The following SLC35A3 variants were observed in gnomAD, a reference collection of about 807,000 sequenced individuals.
The protein encoded by SLC35A3 is UDP-N-acetylglucosamine transporter.
In SLC35A3, 26 loss-of-function variants were observed where a neutral mutation model predicts 39.0. The ratio of observed to expected loss-of-function variants is 0.67; its 90% CI spans 0.49 to 0.92. The LOEUF (loss-of-function observed/expected upper bound fraction) is 0.92. Among genes scored for constraint, SLC35A3 ranks in the 40% least tolerant of loss-of-function variants. The pLI, the probability that SLC35A3 is intolerant of heterozygous loss-of-function variation, is 0.00. For synonymous variants in SLC35A3, 135 were observed against 133.1 expected (o/e 1.01, Z -0.10); for missense variants, 299 against 371.6 (o/e 0.80, Z 1.61).
chr1:99,994,488 C>G (rs1027598462), intron 2 of SLC35A3, among the ~76,000 whole-genome samples: 2 of 152,158 alleles, frequency 1.3e-5, no homozygotes, highest in African/African-American at 4.8e-5. Flanking sequence ...ACCTCTAATT[C>G]ACTTTCTGGC....
chr1:100,002,855 T>C (rs761565031), intron 3 of SLC35A3, among the ~76,000 whole-genome samples: 1 of 151,834 alleles, frequency 6.6e-6, no homozygotes, highest in Non-Finnish European at 1.5e-5. Flanking sequence ...CCTCAAGTGA[T>C]CCTCCCACCT....
intron 3 of SLC35A3, among the ~76,000 whole-genome samples, chr1:100,006,045 G>A (rs899747109): frequency 6.6e-6 from 1 of 152,200 alleles, no homozygotes; most frequent in African/African-American, 2.4e-5. Flanking sequence ...TGGGTAGGGT[G>A]CTTTGGCTTT....
intron 1 of SLC35A3, among the ~76,000 whole-genome samples, chr1:99,979,432 T>C (rs1264249704): frequency 2.6e-5 from 3 of 115,332 alleles, no homozygotes; most frequent in African/African-American, 1.1e-4. Flanking sequence ...TTTTCTTTCT[T>C]TTTTTTTTTT....
chr1:99,997,428 ATATAT>A (rs1225293779), intron 2 of SLC35A3, among the ~76,000 whole-genome samples: 1 of 38,886 alleles, frequency 2.6e-5, no homozygotes, highest in East Asian at 8.6e-4. Context: ...ATATATATAT[ATATAT>A]ATATATATAT....
Position 100,029,130 on chromosome 1 carries a change from T to C in SLC35A3, c.*6654T>C, listed in dbSNP as rs116560578. On this transcript the variant is annotated 3_prime_UTR_variant, in exon 8 of 8. Coordinates refer to ENST00000533028, the MANE Select transcript of SLC35A3 (RefSeq NM_012243.3). ...CATGGTTGGTTGATTTTTTTGCCCA[T>C]GTAGTTGTCCTCTCTTTCCAACATC... The C allele has an allele frequency of 0.013, 2,039 of 152,352 alleles. 18 individuals are homozygous for C. The highest frequency in any genetic ancestry group is 0.057 in the Middle Eastern group (17 of 296). 9.4% of individuals were successfully genotyped at this position (152,352 alleles called of 1,614,324 possible). A position where few individuals can be genotyped will look rare whatever the true frequency, so the allele number is the denominator to read the frequency against.
chr1:99,987,051 T>C (rs566977994), intron 1 of SLC35A3, among the ~76,000 whole-genome samples: 16 of 152,344 alleles, frequency 1.1e-4, no homozygotes, highest in Middle Eastern at 3.4e-3. Flanking sequence ...TGCTGGAAAC[T>C]TACTCTCCTT....
At chr1:100,020,659 G>A (rs1660469541) in intron 7 of SLC35A3, among the ~76,000 whole-genome samples, 3 of 152,172 alleles carry the variant, frequency 2.0e-5, no homozygotes, top group Non-Finnish European at 4.4e-5. Flanking sequence ...AGTGAATGAA[G>A]AGCATATGGT....
chr1:99,983,122 AATTTAT>A, intron 1 of SLC35A3, among the ~76,000 whole-genome samples: 1 of 152,134 alleles, frequency 6.6e-6, no homozygotes, highest in Non-Finnish European at 1.5e-5. Flanking sequence ...ACAATTTACA[AATTTAT>A]GTGGAACTTT....
chr1:100,011,263 A>G (rs1363816622), intron 4 of SLC35A3, 102 bp from the exon 5 acceptor site: 2 of 481,052 alleles, frequency 4.2e-6, no homozygotes, highest in African/African-American at 2.0e-5. Context: ...CAAAAATGAT[A>G]TTGGTTGCAT....
At chr1:99,987,799 G>A (rs1657833456) in intron 1 of SLC35A3, among the ~76,000 whole-genome samples, 1 of 152,042 alleles carries the variant, frequency 6.6e-6, no homozygotes, top group Non-Finnish European at 1.5e-5. Context: ...CTATAAACAG[G>A]GTTCACATTT....
At chr1:100,000,027 G>A (rs949991595) in intron 3 of SLC35A3, among the ~76,000 whole-genome samples, 1 of 152,142 alleles carries the variant, frequency 6.6e-6, no homozygotes, top group African/African-American at 2.4e-5. Flanking sequence ...TGTGAACAAT[G>A]CTGCAATAAA....
intron 2 of SLC35A3, 105 bp downstream of exon 2, chr1:99,993,846 A>G (rs1658232765): frequency 1.1e-5 from 10 of 938,330 alleles, no homozygotes; most frequent in African/African-American, 1.7e-5. Context: ...ATGGCCTAGT[A>G]TGAAGAATAT....
chr1:100,027,443 C>G lies in SLC35A3; in HGVS notation c.*4967C>G. ...CTCTAGCCTGAGTGACAGTGAGACT[C>G]TGTCTCAAAAAACAAACAAAACAAA... is the stretch of plus-strand genomic sequence containing the variant. On this transcript the variant is annotated 3_prime_UTR_variant, in exon 8 of 8. Transcript: ENST00000533028. The G allele has an allele frequency of 2.7e-6, 1 of 365,394 alleles. No homozygotes were observed. Among genetic ancestry groups the G allele is most frequent in the Non-Finnish European group, 4.9e-6 (1 of 205,600 alleles). 22.6% of individuals were successfully genotyped at this position (365,394 alleles called of 1,614,324 possible).
intron 6 of SLC35A3, 117 bp downstream of exon 6, chr1:100,015,537 C>T: frequency 3.6e-6 from 4 of 1,103,560 alleles, no homozygotes; most frequent in Non-Finnish European, 4.8e-6. Flanking sequence ...TTAGTGCTCT[C>T]GTATCTAGTT....
intron 6 of SLC35A3, chr1:100,015,659 G>T: frequency 2.4e-6 from 1 of 413,646 alleles, no homozygotes; most frequent in Non-Finnish European, 4.1e-6. Flanking sequence ...GAAAATACAA[G>T]TTTAAGAATA....
At chr1:100,014,255 G>A (rs1392682473) in intron 5 of SLC35A3, among the ~76,000 whole-genome samples, 1 of 152,082 alleles carries the variant, frequency 6.6e-6, no homozygotes, top group Non-Finnish European at 1.5e-5. Flanking sequence ...CAGTCTCGCT[G>A]TTTTGCTCAG....
At chr1:100,011,820 G>A (rs935574615) in intron 5 of SLC35A3, among the ~76,000 whole-genome samples, 1 of 151,334 alleles carries the variant, frequency 6.6e-6, no homozygotes, top group African/African-American at 2.4e-5. Context: ...CCAGGTTCAC[G>A]CCATTCTCCA....
At chr1:100,003,793 C>T (rs1444386500) in intron 3 of SLC35A3, among the ~76,000 whole-genome samples, 1 of 152,096 alleles carries the variant, frequency 6.6e-6, no homozygotes, top group Admixed American at 6.5e-5. Context: ...CTTAATATAT[C>T]TAGGTGCTGC....
chr1:99,970,614 G>A, intron 1 of SLC35A3: 4 of 1,536,112 alleles, frequency 2.6e-6, no homozygotes, highest in Non-Finnish European at 2.6e-6. Context: ...AGAAGCCGCA[G>A]GAACTTAAAG....
Sources: gnomAD v4.1 joint callset for allele counts (sites outside exome capture counted in the v4.1 genomes callset) on GRCh38, gnomAD v4.1.1 for gene constraint, MANE v1.5 for transcripts, NCBI Gene and HGNC (gene_info 2026-07-23, HGNC 2026-07-21) for gene names.